LYZL1: variants seen among roughly 807,000 people sequenced by gnomAD.
LYZL1 encodes the protein lysozyme-like protein 1.
LYZL1 carries 16 observed loss-of-function variants against 17.9 expected under a neutral mutation model. The ratio of observed to expected loss-of-function variants is 0.90; its 90% CI spans 0.61 to 1.36. The LOEUF is 1.36. LYZL1 is among the 40% of genes most tolerant of loss of function. LYZL1 has a pLI of 0.00. For synonymous variants in LYZL1, 58 were observed against 71.8 expected (o/e 0.81, Z 0.97); for missense variants, 149 against 188.4 (o/e 0.79, Z 1.22).
chr10:29,292,970 A>G (rs934924988), intron 3 of LYZL1, among the ~76,000 whole-genome samples: 4 of 152,210 alleles, frequency 2.6e-5, no homozygotes, highest in Admixed American at 2.6e-4. Context: ...TGATGTCTTC[A>G]GTAAGAAAAA....
chr10:29,292,489 T>G, intron 2 of LYZL1, 30 bp from the exon 3 acceptor site: 1 of 1,609,018 alleles, frequency 6.2e-7, no homozygotes, highest in African/African-American at 1.3e-5. Flanking sequence ...GCACTTCCTT[T>G]GCTGGCGTTT....
downstream of LYZL1, among the ~76,000 whole-genome samples, chr10:29,315,642 G>A (rs565247167): frequency 6.6e-5 from 10 of 152,226 alleles, no homozygotes; most frequent in East Asian, 1.5e-3. Flanking sequence ...GAGCCCAGGA[G>A]TTTGAGACCA....
chr10:29,290,032 G>C (rs1375629952), intron 1 of LYZL1, among the ~76,000 whole-genome samples: 4 of 152,090 alleles, frequency 2.6e-5, no homozygotes, highest in African/African-American at 9.7e-5. Flanking sequence ...TTACCTTATT[G>C]CTTAGTCACC....
rs373528050 is a variant in LYZL1 at position 29,310,982 on chromosome 10, A to G, written c.378-8A>G. The G allele has an allele frequency of 2.2e-5, 35 of 1,613,952 alleles. No individual in the cohort carries two copies. The highest frequency in any genetic ancestry group is 1.6e-4 in the Middle Eastern group (1 of 6,082). Reference sequence around the variant, plus strand: ...TTTCTGCTGCTCCTGCTTCCCTCTCATCCTCAGGCAAGGCTGGAAGAAACA... The same window carrying G: ...TTTCTGCTGCTCCTGCTTCCCTCTCGTCCTCAGGCAAGGCTGGAAGAAACA... On this transcript the variant is annotated splice_polypyrimidine_tract_variant and splice_region_variant and intron_variant, in intron 4 of 4. Transcript: ENST00000649382.
intron 3 of LYZL1, among the ~76,000 whole-genome samples, chr10:29,306,658 A>T (rs1425302802): frequency 1.3e-5 from 2 of 151,350 alleles, no homozygotes; most frequent in African/African-American, 4.9e-5. Context: ...TCCCAGCTTT[A>T]GTGAGGTATA....
chr10:29,305,566 T>C (rs1222951652), intron 3 of LYZL1, among the ~76,000 whole-genome samples: 2 of 152,330 alleles, frequency 1.3e-5, no homozygotes, highest in East Asian at 3.9e-4. Flanking sequence ...CTATAAAACA[T>C]AAGCTAGTAG....
At chr10:29,306,829 T>TGTGTGTGTGA (rs1195660388) in intron 3 of LYZL1, among the ~76,000 whole-genome samples, 2 of 125,378 alleles carry the variant, frequency 1.6e-5, no homozygotes, top group African/African-American at 6.3e-5. Flanking sequence ...TGTGTGTGTG[T>TGTGTGTGTGA]GAAAGAGATT....
intron 4 of LYZL1, chr10:29,318,014 T>A (rs1212000961): frequency 4.4e-6 from 1 of 229,660 alleles, no homozygotes; most frequent in East Asian, 1.8e-4. Context: ...TTGTAATAGG[T>A]GATTTCTAAC....
chr10:29,310,038 A>C, intron 3 of LYZL1, 72 bp from the exon 4 acceptor site: 1 of 1,051,836 alleles, frequency 9.5e-7, no homozygotes, highest in Admixed American at 2.1e-5. Flanking sequence ...AGAAAAGTGA[A>C]GTAAAGTTGA....
intron 1 of LYZL1, among the ~76,000 whole-genome samples, chr10:29,290,134 C>A (rs1835342289): frequency 6.6e-6 from 1 of 152,006 alleles, no homozygotes; most frequent in Non-Finnish European, 1.5e-5. Flanking sequence ...GAATCCAGCC[C>A]CAGGGAGAGA....
Position 29,306,186 on chromosome 10 carries a change from C to T in LYZL1, c.299-3924C>T, listed in dbSNP as rs571577207. Among the ~76,000 whole-genome samples, 13 of 151,738 alleles carry T rather than the reference C, an allele frequency of 8.6e-5. No individual in the cohort carries two copies. The Middle Eastern group carries it at 0.01, about 122-fold the overall frequency. ...TTTCCGTGATGATGAAAATGTCTTC[C>T]ATCTGTGCTGTCAAACATGAGAACC... On this transcript the variant is annotated intron_variant, in intron 3 of 4. Transcript: ENST00000649382.
Position 29,311,035 on chromosome 10 carries a change from G to A in LYZL1, c.423G>A (p.Trp141Ter), listed in dbSNP as rs1835664483. 1.9e-6 allele frequency: 3 copies of A among 1,614,086 alleles called. No homozygotes were observed. The highest frequency in any genetic ancestry group is 2.5e-6 in the Non-Finnish European group (3 of 1,180,008). ...KHCEGRDLSE[W>*]KKGCEVS Reference sequence around the variant, plus strand: ...GTGAGGGCAGAGACCTGTCCGAGTGGAAAAAAGGCTGTGAGGTTTCCTAAA... The same window carrying A: ...GTGAGGGCAGAGACCTGTCCGAGTGAAAAAAAGGCTGTGAGGTTTCCTAAA... Residue 141 changes from tryptophan to a stop codon, truncating the protein, a stop_gained, in exon 5 of 5, where the codon TGG (tryptophan) becomes TGA (stop). Coordinates refer to ENST00000649382, the MANE Select transcript of LYZL1 (RefSeq NM_032517.6). LOFTEE classifies it high-confidence loss of function.
At chr10:29,310,236 G>A (rs1426762168) in intron 4 of LYZL1, 48 bp downstream of exon 4, 5 of 1,383,342 alleles carry the variant, frequency 3.6e-6, no homozygotes, top group Admixed American at 1.7e-5. Context: ...GCAAAACCTA[G>A]TGTGTGTATT....
intron 1 of LYZL1, among the ~76,000 whole-genome samples, chr10:29,291,541 A>C (rs78260679): frequency 0.16 from 23,562 of 151,436 alleles, 1,894 homozygotes; most frequent in Middle Eastern, 0.22. Flanking sequence ...TTAAAATAGA[A>C]ATCCTAAAAA....
intron 1 of LYZL1, among the ~76,000 whole-genome samples, chr10:29,289,452 TC>T (rs1835331775): frequency 6.8e-6 from 1 of 147,364 alleles, no homozygotes; most frequent in South Asian, 2.2e-4. Flanking sequence ...GGTCTCTCAC[TC>T]TGCTGCCCAG....
At chr10:29,308,350 T>A (rs1278153880) in intron 3 of LYZL1, among the ~76,000 whole-genome samples, 1 of 152,208 alleles carries the variant, frequency 6.6e-6, no homozygotes, top group Non-Finnish European at 1.5e-5. Context: ...CGGGAGCTCA[T>A]GGCTGGGCTG....
intron 3 of LYZL1, among the ~76,000 whole-genome samples, chr10:29,301,254 C>T (rs1459538452): frequency 6.6e-6 from 1 of 152,200 alleles, no homozygotes; most frequent in Non-Finnish European, 1.5e-5. Context: ...TGACTTGCTC[C>T]TCCTTGCCTA....
At chr10:29,310,638 C>T (rs1218368847) in intron 4 of LYZL1, among the ~76,000 whole-genome samples, 1 of 152,180 alleles carries the variant, frequency 6.6e-6, no homozygotes, top group Non-Finnish European at 1.5e-5. Flanking sequence ...CAGCAGAAAG[C>T]GTCCCCAGCA....
intron 3 of LYZL1, among the ~76,000 whole-genome samples, chr10:29,300,887 T>A (rs1835508065): frequency 6.6e-6 from 1 of 152,170 alleles, no homozygotes; most frequent in African/African-American, 2.4e-5. Flanking sequence ...AGTGGCATGA[T>A]CACAGTTCAC....
Sources: allele counts gnomAD v4.1 joint callset (sites outside exome capture counted in the v4.1 genomes callset), GRCh38; gene constraint gnomAD v4.1.1; transcripts MANE v1.5; gene names NCBI Gene and HGNC (gene_info 2026-07-23, HGNC 2026-07-21).